Variants in C9orf50 observed in about 807,000 individuals in gnomAD.
The protein encoded by C9orf50 is chromosome 9 open reading frame 50, also known as uncharacterized protein C9orf50.
A neutral mutation model predicts 42.5 loss-of-function variants in C9orf50; 33 were observed. The ratio of observed to expected loss-of-function variants is 0.78; its 90% CI spans 0.59 to 1.04. The LOEUF is 1.04. Among genes scored for constraint, C9orf50 ranks in the 50% least tolerant of loss-of-function variants. The pLI is 0.00. For synonymous variants in C9orf50, 257 were observed against 273.4 expected (o/e 0.94, Z 0.59); for missense variants, 547 against 594.3 (o/e 0.92, Z 0.83).
chr9:129,613,855 G>A lies in C9orf50; in HGVS notation c.881-258C>T, dbSNP rs879390096. ...CAGCCGGAAGCGTGCCCCCTTTCTC[G>A]CAGTGGGGAGACCACTTACCCCATC... On this transcript the variant is annotated intron_variant, in intron 4 of 6. Transcript: ENST00000372478. The surrounding 1 kb of genome is among the most constrained non-coding windows in gnomAD (Gnocchi z 6.2). Among the ~76,000 whole-genome samples, 5 of 152,156 alleles carry A rather than the reference G, an allele frequency of 3.3e-5. No homozygotes were observed. The highest frequency in any genetic ancestry group is 1.3e-4 in the Admixed American group (2 of 15,282).
rs1420032552 is a variant in C9orf50, at chr9:129,620,041, GC to G, written c.508+25del. On this transcript the variant is annotated intron_variant, in intron 1 of 6. Transcript: ENST00000372478. The surrounding 1 kb of genome is among the most constrained non-coding windows in gnomAD (Gnocchi z 5.8). Reference sequence around the variant, plus strand: ...CCCCCACCGGAAATGACTCGGGCCCGCCCCCCGGGCCCCGCGGGGCCTCACT... The same window carrying G: ...CCCCCACCGGAAATGACTCGGGCCCGCCCCCGGGCCCCGCGGGGCCTCACT... 7 of 1,452,346 alleles carry G rather than the reference GC, an allele frequency of 4.8e-6. No individual in the cohort carries two copies. The highest frequency in any genetic ancestry group is 2.5e-5 in the East Asian group (1 of 40,028). 90.0% of individuals were successfully genotyped at this position (1,452,346 alleles called of 1,614,324 possible).
At position 129,613,125 on chromosome 9, in the gene C9orf50, C is replaced by A; in HGVS notation, c.1170G>T (p.Pro390=). ...TGCCCACCTGCTCCAGGTTTCTGTG[C>A]GGGTCCAAGAAGGCTCGGAGGCTGC... The change falls in exon 6 of 7, where the codon CCG becomes CCT. Residue 390 remains proline, a synonymous_variant. Transcript: ENST00000372478. The surrounding 1 kb of genome is among the most constrained non-coding windows in gnomAD (Gnocchi z 6.2). The A allele has an allele frequency of 3.1e-6, 5 of 1,613,860 alleles. No homozygotes were observed. Among genetic ancestry groups the A allele is most frequent in the Non-Finnish European group, 4.2e-6 (5 of 1,179,990 alleles).
chr9:129,621,915 T>G (rs1240174213), upstream of C9orf50, among the ~76,000 whole-genome samples: 1 of 152,200 alleles, frequency 6.6e-6, no homozygotes, highest in Non-Finnish European at 1.5e-5. Context: ...CATCCCTGCC[T>G]GGTGCCTCTC....
chr9:129,619,660 TG>T, intron 2 of C9orf50, 24 bp from the exon 3 acceptor site: 1 of 1,613,096 alleles, frequency 6.2e-7, no homozygotes, highest in South Asian at 1.1e-5. Flanking sequence ...AGGCCACATC[TG>T]GCATGAGTGG....
At chr9:129,617,292 T>G (rs1830439485) in intron 3 of C9orf50, among the ~76,000 whole-genome samples, 2 of 152,206 alleles carry the variant, frequency 1.3e-5, no homozygotes, top group Middle Eastern at 3.2e-3. Flanking sequence ...GTCAGGACAG[T>G]GCCTGGCTAC....
intron 3 of C9orf50, among the ~76,000 whole-genome samples, chr9:129,617,681 T>C: frequency 7.4e-6 from 1 of 135,362 alleles, no homozygotes; most frequent in South Asian, 2.5e-4. Context: ...TTCACTGTTT[T>C]TGTTTGTTTG....
At chr9:129,621,286 C>G (rs1420382729), upstream of C9orf50, among the ~76,000 whole-genome samples, 1 of 152,172 alleles carries the variant, frequency 6.6e-6, no homozygotes, top group Non-Finnish European at 1.5e-5. Context: ...GATGACTTAC[C>G]CCCAGCCCCC....
chr9:129,621,552 G>T (rs1830713752), upstream of C9orf50, among the ~76,000 whole-genome samples: 1 of 152,142 alleles, frequency 6.6e-6, no homozygotes, highest in African/African-American at 2.4e-5. Context: ...AAATGGGGTA[G>T]AATTTTTTTG....
upstream of C9orf50, among the ~76,000 whole-genome samples, chr9:129,621,725 C>A (rs571796972): frequency 2.0e-5 from 3 of 152,258 alleles, no homozygotes; most frequent in African/African-American, 7.2e-5. Context: ...GTCTTACTCC[C>A]AGCTCTGACA....
chr9:129,615,654 G>T lies in C9orf50; in HGVS notation c.717-7C>A. On this transcript the variant is annotated splice_polypyrimidine_tract_variant and splice_region_variant and intron_variant, in intron 3 of 6. Transcript: ENST00000372478. ...CTGTGCACCGTGGGGCCTGCTGAGA[G>T]AGGGGAGAGGGGCCTGTGCTCGAAG... 6.5e-7 allele frequency: 1 copy of T among 1,537,066 alleles called. No individual in the cohort carries two copies.
At chr9:129,612,388 G>A in exon 7 of C9orf50, 1 of 1,613,442 alleles carries the variant, frequency 6.2e-7, no homozygotes, top group Non-Finnish European at 8.5e-7. Context: ...GCCAGGAGGA[G>A]ATGGTACCCC....
At chr9:129,618,868 G>GTTTTTTTTTT (rs34259203) in intron 3 of C9orf50, among the ~76,000 whole-genome samples, 4 of 128,294 alleles carry the variant, frequency 3.1e-5, no homozygotes, top group Admixed American at 7.9e-5. Context: ...AATTTTTTGT[G>GTTTTTTTTTT]TTTTTTTTTT....
At position 129,613,379 on chromosome 9, in the gene C9orf50, G is replaced by T. The variant is rs577289479; in HGVS notation, c.1043+56C>A. 5 of 1,597,458 alleles carry T rather than the reference G, an allele frequency of 3.1e-6. No homozygotes were observed. The highest frequency in any genetic ancestry group is 4.5e-5 in the East Asian group (2 of 44,596). On this transcript the variant is annotated intron_variant, in intron 5 of 6. Transcript: ENST00000372478. The surrounding 1 kb of genome is among the most constrained non-coding windows in gnomAD (Gnocchi z 6.2). ...TGGGTGGGGAGGTCTGTAGGCAAGG[G>T]GGGTGGAGGGCCCTGGCAATGTCCA...
Position 129,620,336 on chromosome 9 carries a change from A to T in C9orf50, c.239T>A (p.Leu80Gln). The change falls in exon 1 of 7, where the codon CTG (leucine) becomes CAG (glutamine). Residue 80 changes from leucine (L) to glutamine (Q), a missense_variant. Physicochemically the swap from Leu to Gln is moderately radical, Grantham distance 113 (BLOSUM62 -2). Transcript: ENST00000372478. This position sits in a 1 kb window ranked among gnomAD's most constrained non-coding sequence, Gnocchi z 5.8. Reference sequence around the variant, plus strand: ...CCGGGTCGCGGTGAGCAAGGCGGGCAGGCGCGGCGGGAGGCGTCCGACGCC... The same window carrying T: ...CCGGGTCGCGGTGAGCAAGGCGGGCTGGCGCGGCGGGAGGCGTCCGACGCC... 3.2e-6 allele frequency: 4 copies of T among 1,230,938 alleles called. No individual in the cohort carries two copies. The highest frequency in any genetic ancestry group is 4.1e-6 in the Non-Finnish European group (4 of 986,682). The allele number at this position is 1,230,938 out of a possible 1,614,324, so 76.3% of individuals were successfully genotyped here. A position where few individuals can be genotyped will look rare whatever the true frequency, so the allele number is the denominator to read the frequency against.
At chr9:129,612,275 A>T in exon 7 of C9orf50, 2 of 1,327,562 alleles carry the variant, frequency 1.5e-6, no homozygotes, top group Non-Finnish European at 2.1e-6. Context: ...ATGTGCCTTT[A>T]TTTGTGGGGC....
rs1245914123 is a variant in C9orf50 at position 129,613,432 on chromosome 9, C to G, written c.1043+3G>C. ...AGTCCCATCCGCTTCCCTGGAGCCT[C>G]ACAGGCCAGCGCAGTCCCAACACGA... On this transcript the variant is annotated splice_donor_region_variant and intron_variant, in intron 5 of 6. Coordinates refer to ENST00000372478, the Ensembl canonical transcript of C9orf50. This position sits in a 1 kb window ranked among gnomAD's most constrained non-coding sequence, Gnocchi z 6.2. 2 of 1,613,582 alleles carry G rather than the reference C, an allele frequency of 1.2e-6. No homozygotes were observed. The highest frequency in any genetic ancestry group is 1.7e-6 in the Non-Finnish European group (2 of 1,179,822).
In C9orf50 at chr9:129,613,676, C is replaced by A; in HGVS notation, c.881-79G>T. 1 of 1,567,198 alleles carries A rather than the reference C, an allele frequency of 6.4e-7. No homozygotes were observed. On this transcript the variant is annotated intron_variant, in intron 4 of 6. Transcript: ENST00000372478. This position sits in a 1 kb window ranked among gnomAD's most constrained non-coding sequence, Gnocchi z 6.2. The stretch of plus-strand genomic sequence containing the variant: ...CCCCACCCTCTTTTCCTCCCTCTGG[C>A]AGGCAGGGCCGGTCAGAGCCCTGTC...
Position 129,613,361 on chromosome 9 carries a change from G to A in C9orf50, c.1043+74C>T. Reference sequence around the variant, plus strand: ...TGGCAACCCGCCTGCTGCTGGGTGGGGAGGTCTGTAGGCAAGGGGGGTGGA... The same window carrying A: ...TGGCAACCCGCCTGCTGCTGGGTGGAGAGGTCTGTAGGCAAGGGGGGTGGA... On this transcript the variant is annotated intron_variant, in intron 5 of 6. Transcript: ENST00000372478. The surrounding 1 kb of genome is among the most constrained non-coding windows in gnomAD (Gnocchi z 6.2). 6.3e-7 allele frequency: 1 copy of A among 1,582,838 alleles called. No homozygotes were observed. Among genetic ancestry groups the A allele is most frequent in the Non-Finnish European group, 8.6e-7 (1 of 1,162,008 alleles).
Position 129,620,395 on chromosome 9 carries a change from C to T in C9orf50, c.180G>A (p.Ala60=), listed in dbSNP as rs1422128276. ...GCTTGGCGTCCCCTTCCGGCCACCA[C>T]GCGGCGCCGCCCCCCGGGATCCTCC... Residue 60 remains alanine, a synonymous_variant, in exon 1 of 7, where the codon GCG becomes GCA. Coordinates refer to ENST00000372478, the Ensembl canonical transcript of C9orf50. This position sits in a 1 kb window ranked among gnomAD's most constrained non-coding sequence, Gnocchi z 5.8. 3 of 1,232,658 alleles carry T rather than the reference C, an allele frequency of 2.4e-6. No homozygotes were observed. Among genetic ancestry groups the T allele is most frequent in the East Asian group, 6.4e-5 (2 of 31,384 alleles). The allele number at this position is 1,232,658 out of a possible 1,614,324, so 76.4% of individuals were successfully genotyped here. A position where few individuals can be genotyped will look rare whatever the true frequency, so the allele number is the denominator to read the frequency against.
Sources: allele counts gnomAD v4.1 joint callset (sites outside exome capture counted in the v4.1 genomes callset), GRCh38; gene constraint gnomAD v4.1.1; non-coding constraint Gnocchi (gnomAD v3.1); transcripts MANE v1.5; gene names NCBI Gene and HGNC (gene_info 2026-07-23, HGNC 2026-07-21).